CDKN2B: variants seen among roughly 807,000 people sequenced by gnomAD.
CDKN2B encodes cyclin dependent kinase inhibitor 2B, also known as cyclin-dependent kinase 4 inhibitor B.
Under a neutral mutation model 7.7 loss-of-function variants are expected in CDKN2B, and 8 were observed. The ratio of observed to expected loss-of-function variants is 1.04; its 90% CI spans 0.61 to 1.87. The LOEUF is 1.87. Ranked by LOEUF, CDKN2B falls within the 40% of genes most tolerant of loss-of-function variation. The probability of loss-of-function intolerance (pLI) is 0.00; values close to 1 mark genes in which losing one functional copy is unlikely to be tolerated. For synonymous variants in CDKN2B, 93 were observed against 95.8 expected (o/e 0.97, Z 0.17); for missense variants, 244 against 213.1 (o/e 1.15, Z -0.90).
At position 22,004,278 on chromosome 9, in the gene CDKN2B, C is replaced by T; in HGVS notation, c.*1709G>A. 1 of 232,430 alleles carries T rather than the reference C, an allele frequency of 4.3e-6. No individual in the cohort carries two copies. Among genetic ancestry groups the T allele is most frequent in the East Asian group, 6.1e-5 (1 of 16,364 alleles). The allele number at this position is 232,430 out of a possible 1,614,324, so 14.4% of individuals were successfully genotyped here. On this transcript the variant is annotated 3_prime_UTR_variant, in exon 2 of 2. Coordinates refer to ENST00000276925, the MANE Select transcript of CDKN2B (RefSeq NM_004936.4). ...GATTTGTGTATTCAACTCAAATGTA[C>T]TCCTTCTTATAAGTCTCCACTCTCA...
In CDKN2B at chr9:22,009,189, T is replaced by C. The variant is rs558416419; in HGVS notation, c.-236A>G. 2 of 633,064 alleles carry C rather than the reference T, an allele frequency of 3.2e-6. No individual in the cohort carries two copies. Among genetic ancestry groups the C allele is most frequent in the East Asian group, 2.8e-5 (1 of 35,690 alleles). The allele number at this position is 633,064 out of a possible 1,614,324, so 39.2% of individuals were successfully genotyped here. On this transcript the variant is annotated 5_prime_UTR_variant, in exon 1 of 2. Coordinates refer to ENST00000276925, the MANE Select transcript of CDKN2B (RefSeq NM_004936.4). ...GCGCTCAAGAACCAGCGGGCGCGCC[T>C]GGATTGCTTCTGGGAAAAAGCGCCT...
At chr9:22,007,144 G>A (rs551555961) in intron 1 of CDKN2B, among the ~76,000 whole-genome samples, 29 of 152,234 alleles carry the variant, frequency 1.9e-4, no homozygotes, top group African/African-American at 5.8e-4. Context: ...CAGATCACCT[G>A]AGGTCAGGAG....
rs746854404 is a variant in CDKN2B, at chr9:22,006,043, C to T, written c.361G>A (p.Glu121Lys). 1.6e-5 allele frequency: 26 copies of T among 1,604,814 alleles called. No homozygotes were observed. The highest frequency in any genetic ancestry group is 2.2e-5 in the Non-Finnish European group (26 of 1,179,510). ...GCAACGTCGCGGTGGCCCCGCTCCT[C>T]GGCCAAGTCCACGGGCAGACGACCC... The part of the protein sequence containing the change: ...AWGRLPVDLA[E>K]ERGHRDVAGY... Residue 121 changes from glutamate to lysine, a missense_variant, in exon 2 of 2, where the codon GAG becomes AAG. Coordinates refer to ENST00000276925, the MANE Select transcript of CDKN2B (RefSeq NM_004936.4). This position sits in a 1 kb window ranked among gnomAD's most constrained non-coding sequence, Gnocchi z 6.4.
intron 1 of CDKN2B, among the ~76,000 whole-genome samples, chr9:22,008,004 G>A (rs964647180): frequency 6.6e-6 from 1 of 151,928 alleles, no homozygotes; most frequent in South Asian, 2.1e-4. Context: ...ACTAGCCAAC[G>A]GTAAAGTACA....
chr9:22,008,604 A>C (rs1821311714), intron 1 of CDKN2B, 194 bp downstream of exon 1: 5 of 1,515,292 alleles, frequency 3.3e-6, no homozygotes, highest in Non-Finnish European at 4.5e-6. Flanking sequence ...AAGCTTAAAC[A>C]GTGGGTTTTT....
Position 22,006,055 on chromosome 9 carries a change from C to T in CDKN2B, c.349G>A (p.Val117Met), listed in dbSNP as rs1821164024. The change falls in exon 2 of 2, where the codon GTG becomes ATG. Residue 117 changes from valine (V) to methionine (M), a missense_variant. Physicochemically the swap from Val to Met is conservative, Grantham distance 21. Transcript: ENST00000276925. The surrounding 1 kb of genome is among the most constrained non-coding windows in gnomAD (Gnocchi z 6.4). ...DVRDAWGRLP[V>M]DLAEERGHRD... ...TGGCCCCGCTCCTCGGCCAAGTCCACGGGCAGACGACCCCAGGCATCGCGC... is the reference window on the plus strand; with the variant it reads ...TGGCCCCGCTCCTCGGCCAAGTCCATGGGCAGACGACCCCAGGCATCGCGC... 3 of 1,605,458 alleles carry T rather than the reference C, an allele frequency of 1.9e-6. No individual in the cohort carries two copies. The highest frequency in any genetic ancestry group is 1.7e-5 in the Admixed American group (1 of 59,944).
In CDKN2B at chr9:22,008,843, G is replaced by T; in HGVS notation, c.111C>A (p.Gly37=). 6.2e-7 allele frequency: 1 copy of T among 1,609,692 alleles called. No homozygotes were observed. The highest frequency in any genetic ancestry group is 1.1e-5 in the South Asian group (1 of 90,750). Residue 37 remains glycine, a synonymous_variant, in exon 1 of 2, where the codon GGC becomes GGA. Coordinates refer to ENST00000276925, the MANE Select transcript of CDKN2B (RefSeq NM_004936.4). Reference sequence around the variant, plus strand: ...AACGGTTGACTCCGTTGGGATCCGCGCCGGCTTCCAGGAGCTGTCGCACCT... The same window carrying T: ...AACGGTTGACTCCGTTGGGATCCGCTCCGGCTTCCAGGAGCTGTCGCACCT... ...VEKVRQLLEA[G]ADPNGVNRFG...
chr9:22,007,032 T>G (rs1821223294), intron 1 of CDKN2B, among the ~76,000 whole-genome samples: 1 of 152,180 alleles, frequency 6.6e-6, no homozygotes, highest in Non-Finnish European at 1.5e-5. Flanking sequence ...TAGCTAAGAT[T>G]TAAAAATGTT....
At position 22,009,065 on chromosome 9, in the gene CDKN2B, A is replaced by AAG; in HGVS notation, c.-113_-112insCT. 1 of 1,515,854 alleles carries AAG rather than the reference A, an allele frequency of 6.6e-7. No homozygotes were observed. Among genetic ancestry groups the AAG allele is most frequent in the Non-Finnish European group, 9.1e-7 (1 of 1,097,666 alleles). 93.9% of individuals were successfully genotyped at this position (1,515,854 alleles called of 1,614,324 possible). ...TCCGGCGCACTCTCTCCTTCCTAGG[A>AAG]GACCTGGGCTCAGCTTCATTACCCT... On this transcript the variant is annotated 5_prime_UTR_variant, in exon 1 of 2. An upstream open reading frame in the 5' UTR gains an earlier in-frame stop. Coordinates refer to ENST00000276925, the MANE Select transcript of CDKN2B (RefSeq NM_004936.4).
In CDKN2B at chr9:22,009,097, G is replaced by C. The variant is rs1563917205; in HGVS notation, c.-144C>G. 4.7e-6 allele frequency: 6 copies of C among 1,281,150 alleles called. No individual in the cohort carries two copies. Among genetic ancestry groups the C allele is most frequent in the Non-Finnish European group, 5.5e-6 (5 of 905,964 alleles). The allele number at this position is 1,281,150 out of a possible 1,614,324, so 79.4% of individuals were successfully genotyped here. On this transcript the variant is annotated 5_prime_UTR_variant, in exon 1 of 2. Transcript: ENST00000276925. ...GGCTCAGCTTCATTACCCTCCCGTCGTCCTTCTGCGGCTTGGGGCCCCGTG... is the reference window on the plus strand; with the variant it reads ...GGCTCAGCTTCATTACCCTCCCGTCCTCCTTCTGCGGCTTGGGGCCCCGTG...
chr9:22,006,355 T>C lies in CDKN2B; in HGVS notation c.157-108A>G. 6.9e-7 allele frequency: 1 copy of C among 1,459,340 alleles called. No individual in the cohort carries two copies. The highest frequency in any genetic ancestry group is 1.9e-5 in the Admixed American group (1 of 52,666). The allele number at this position is 1,459,340 out of a possible 1,614,324, so 90.4% of individuals were successfully genotyped here. A position where few individuals can be genotyped will look rare whatever the true frequency, so the allele number is the denominator to read the frequency against. On this transcript the variant is annotated intron_variant, in intron 1 of 1. Transcript: ENST00000276925. This position sits in a 1 kb window ranked among gnomAD's most constrained non-coding sequence, Gnocchi z 6.4. ...TTAAAGAAACACCTAATTGCAAAGTTTTCACCCAGTGCAGAGGTGTTCAGG... is the reference window on the plus strand; with the variant it reads ...TTAAAGAAACACCTAATTGCAAAGTCTTCACCCAGTGCAGAGGTGTTCAGG...
rs1587388766 is a variant in CDKN2B, at chr9:22,008,981, C to G, written c.-28G>C. On this transcript the variant is annotated 5_prime_UTR_variant, in exon 1 of 2. Coordinates refer to ENST00000276925, the MANE Select transcript of CDKN2B (RefSeq NM_004936.4). Reference sequence around the variant, plus strand: ...CGCAGCCCCCAGACGCGCAGCGGCCCGGATAATCCACCGTTGGCCGTAAAC... The same window carrying G: ...CGCAGCCCCCAGACGCGCAGCGGCCGGGATAATCCACCGTTGGCCGTAAAC... The G allele has an allele frequency of 2.5e-6, 4 of 1,613,328 alleles. No homozygotes were observed. The highest frequency in any genetic ancestry group is 4.5e-5 in the East Asian group (2 of 44,866).
At position 22,003,812 on chromosome 9, in the gene CDKN2B, T is replaced by C. The variant is rs1298197473; in HGVS notation, c.*2175A>G. The C allele has an allele frequency of 4.3e-6, 1 of 232,268 alleles. No homozygotes were observed. The highest frequency in any genetic ancestry group is 8.5e-6 in the Non-Finnish European group (1 of 117,528). The allele number at this position is 232,268 out of a possible 1,614,324, so 14.4% of individuals were successfully genotyped here. Reference sequence around the variant, plus strand: ...ATAGTTTTCAAACAAACCGTTTATATTTACTAGAAGTTAGAGAAAGAAAAG... The same window carrying C: ...ATAGTTTTCAAACAAACCGTTTATACTTACTAGAAGTTAGAGAAAGAAAAG... On this transcript the variant is annotated 3_prime_UTR_variant, in exon 2 of 2. Coordinates refer to ENST00000276925, the MANE Select transcript of CDKN2B (RefSeq NM_004936.4).
rs3028393 is a variant in CDKN2B at position 22,005,112 on chromosome 9, A to ATGTG, written c.*871_*874dup. 0.048 allele frequency: 10,797 copies of ATGTG among 224,884 alleles called. 215 individuals carry two copies. Among genetic ancestry groups the ATGTG allele is most frequent in the African/African-American group, 0.086 (3,813 of 44,212 alleles). The allele number at this position is 224,884 out of a possible 1,614,324, so 13.9% of individuals were successfully genotyped here. Reference sequence around the variant, plus strand: ...CATAAGGGGATTTCCGCATCCTAGCATGTGTGTGTGTGTGTGTGTGTGTGT... The same window carrying ATGTG: ...CATAAGGGGATTTCCGCATCCTAGCATGTGTGTGTGTGTGTGTGTGTGTGTGTGT... On this transcript the variant is annotated 3_prime_UTR_variant, in exon 2 of 2. Coordinates refer to ENST00000276925, the MANE Select transcript of CDKN2B (RefSeq NM_004936.4). The surrounding 1 kb of genome is among the most constrained non-coding windows in gnomAD (Gnocchi z 4.9).
At position 22,005,819 on chromosome 9, in the gene CDKN2B, T is replaced by C. The variant is rs1821143733; in HGVS notation, c.*168A>G. On this transcript the variant is annotated 3_prime_UTR_variant, in exon 2 of 2. Transcript: ENST00000276925. This position sits in a 1 kb window ranked among gnomAD's most constrained non-coding sequence, Gnocchi z 4.9. ...CAGATAAGACAAAGAAAAAAATGTA[T>C]GGAAGGTTATTCCCGGTCGGCTCCT... is the stretch of plus-strand genomic sequence containing the variant. 1.2e-6 allele frequency: 1 copy of C among 825,646 alleles called. No homozygotes were observed. The highest frequency in any genetic ancestry group is 2.7e-5 in the East Asian group (1 of 37,444). 51.1% of individuals were successfully genotyped at this position (825,646 alleles called of 1,614,324 possible). A position where few individuals can be genotyped will look rare whatever the true frequency, so the allele number is the denominator to read the frequency against.
In CDKN2B at chr9:22,006,379, G is replaced by T; in HGVS notation, c.157-132C>A. 1 of 1,218,288 alleles carries T rather than the reference G, an allele frequency of 8.2e-7. No individual in the cohort carries two copies. The highest frequency in any genetic ancestry group is 1.5e-5 in the African/African-American group (1 of 66,780). 75.5% of individuals were successfully genotyped at this position (1,218,288 alleles called of 1,614,324 possible). The stretch of plus-strand genomic sequence containing the variant: ...TTTTCACCCAGTGCAGAGGTGTTCA[G>T]GTCTCTGATGTCTGGTGTTTCTTCA... On this transcript the variant is annotated intron_variant, in intron 1 of 1. Coordinates refer to ENST00000276925, the MANE Select transcript of CDKN2B (RefSeq NM_004936.4). The surrounding 1 kb of genome is among the most constrained non-coding windows in gnomAD (Gnocchi z 6.4).
rs752359825 is a variant in CDKN2B, at chr9:22,008,791, CAGCT to C, written c.156+3_156+6del. The C allele has an allele frequency of 1.8e-5, 29 of 1,606,774 alleles. No individual in the cohort carries two copies. The highest frequency in any genetic ancestry group is 2.5e-5 in the Non-Finnish European group (29 of 1,176,484). On this transcript the variant is annotated splice_donor_5th_base_variant and intron_variant, in intron 1 of 1. Coordinates refer to ENST00000276925, the MANE Select transcript of CDKN2B (RefSeq NM_004936.4). ...CCCTGCCGGCGAGGCCCTGGGGCCC[CAGCT>C]ACCTGGATCGCGCGCCTCCCGAAAC...
rs2131189753 is a variant in CDKN2B at position 22,008,785 on chromosome 9, G to A, written c.156+13C>T. 2 of 1,607,350 alleles carry A rather than the reference G, an allele frequency of 1.2e-6. No homozygotes were observed. The highest frequency in any genetic ancestry group is 1.7e-4 in the Middle Eastern group (1 of 6,048). ...CGCGCCCCCTGCCGGCGAGGCCCTG[G>A]GGCCCCAGCTACCTGGATCGCGCGC... On this transcript the variant is annotated intron_variant, in intron 1 of 1. Transcript: ENST00000276925.
At position 22,003,795 on chromosome 9, in the gene CDKN2B, C is replaced by T. The variant is rs1821038520; in HGVS notation, c.*2192G>A. 2 of 231,904 alleles carry T rather than the reference C, an allele frequency of 8.6e-6. No individual in the cohort carries two copies. The highest frequency in any genetic ancestry group is 1.7e-5 in the Non-Finnish European group (2 of 117,314). 14.4% of individuals were successfully genotyped at this position (231,904 alleles called of 1,614,324 possible). On this transcript the variant is annotated 3_prime_UTR_variant, in exon 2 of 2. Coordinates refer to ENST00000276925, the MANE Select transcript of CDKN2B (RefSeq NM_004936.4). ...ATTGTTGACATTTTAAAATAGTTTTCAAACAAACCGTTTATATTTACTAGA... is the reference window on the plus strand; with the variant it reads ...ATTGTTGACATTTTAAAATAGTTTTTAAACAAACCGTTTATATTTACTAGA...
Sources: allele counts gnomAD v4.1 joint callset (sites outside exome capture counted in the v4.1 genomes callset), GRCh38; gene constraint gnomAD v4.1.1; non-coding constraint Gnocchi (gnomAD v3.1); transcripts MANE v1.5; gene names NCBI Gene and HGNC (gene_info 2026-07-23, HGNC 2026-07-21).